Variants in KCNIP4 observed in about 807,000 individuals in gnomAD.
KCNIP4 encodes the protein Kv channel-interacting protein 4.
In KCNIP4, 12 loss-of-function variants were observed where a neutral mutation model predicts 34.0. The observed-to-expected ratio is 0.35, with a 90% CI of 0.23 to 0.57. The LOEUF is 0.57. Among genes scored for constraint, KCNIP4 ranks in the 20% least tolerant of loss-of-function variants. The pLI is 0.83. For missense variants in KCNIP4, 238 were observed against 311.7 expected (o/e 0.76, Z 1.78); for synonymous variants, 124 against 102.2 (o/e 1.21, Z -1.29).
At chr4:21,086,353 G>A (rs1051679564) in intron 1 of KCNIP4, among the ~76,000 whole-genome samples, 3 of 152,032 alleles carry the variant, frequency 2.0e-5, no homozygotes, top group Admixed American at 6.6e-5. Context: ...CATCTCCATC[G>A]TTGCATTGAA....
At chr4:21,354,834 A>G (rs1718403246) in intron 1 of KCNIP4, among the ~76,000 whole-genome samples, 2 of 152,222 alleles carry the variant, frequency 1.3e-5, no homozygotes, top group African/African-American at 4.8e-5. Flanking sequence ...CCTGAAATCA[A>G]CAGAATATAC....
intron 2 of KCNIP4, 24 bp from the exon 3 acceptor site, chr4:20,850,691 T>G: frequency 6.2e-7 from 1 of 1,607,388 alleles, no homozygotes; most frequent in Non-Finnish European, 8.5e-7. Flanking sequence ...CAAGAAAGAG[T>G]CTTAGGACCA....
chr4:21,678,572 T>C (rs1750098859), intron 1 of KCNIP4, among the ~76,000 whole-genome samples: 1 of 152,198 alleles, frequency 6.6e-6, no homozygotes, highest in South Asian at 2.1e-4. Flanking sequence ...GTCTTCTCCA[T>C]TTACTCCCTG....
intron 1 of KCNIP4, among the ~76,000 whole-genome samples, chr4:21,766,815 T>A (rs16871877): frequency 0.087 from 13,292 of 152,172 alleles, 1,962 homozygotes; most frequent in African/African-American, 0.3. Context: ...AGTCAGAAAG[T>A]GTGTGTTTTA....
chr4:21,834,136 T>G (rs1210862847), intron 1 of KCNIP4, among the ~76,000 whole-genome samples: 1 of 152,298 alleles, frequency 6.6e-6, no homozygotes, highest in African/African-American at 2.4e-5. Flanking sequence ...AAGAAAGTCA[T>G]TGGTAGCTTG....
intron 1 of KCNIP4, among the ~76,000 whole-genome samples, chr4:21,491,200 G>A (rs1216665327): frequency 6.6e-6 from 1 of 152,062 alleles, no homozygotes; most frequent in East Asian, 1.9e-4. Context: ...CTTGCAGCAG[G>A]TATGGTTTCG....
intron 1 of KCNIP4, among the ~76,000 whole-genome samples, chr4:20,992,988 A>T (rs1007535544): frequency 7.3e-6 from 1 of 137,158 alleles, no homozygotes; most frequent in Admixed American, 8.5e-5. Flanking sequence ...AGATCATGCC[A>T]CTGCACTCCA....
At chr4:20,869,402 A>T (rs1293429400) in intron 2 of KCNIP4, among the ~76,000 whole-genome samples, 1 of 152,066 alleles carries the variant, frequency 6.6e-6, no homozygotes, top group African/African-American at 2.4e-5. Context: ...TGGGCATTAA[A>T]TGAGATGGTA....
chr4:21,308,925 C>T (rs750933807), intron 1 of KCNIP4, among the ~76,000 whole-genome samples: 1 of 150,798 alleles, frequency 6.6e-6, no homozygotes, highest in South Asian at 2.1e-4. Context: ...GGCTCTACTG[C>T]TGCATGAAGG....
chr4:21,182,050 C>G (rs998044195), intron 1 of KCNIP4, among the ~76,000 whole-genome samples: 1 of 152,084 alleles, frequency 6.6e-6, no homozygotes, highest in Non-Finnish European at 1.5e-5. Context: ...TATAGCTTCA[C>G]TGATATTGGA....
intron 1 of KCNIP4, among the ~76,000 whole-genome samples, chr4:21,486,478 G>A (rs1731922855): frequency 6.6e-6 from 1 of 152,134 alleles, no homozygotes; most frequent in South Asian, 2.1e-4. Context: ...AAAATCAAAG[G>A]AAATGGAAGG....
chr4:20,862,722 T>C (rs1722334569), intron 2 of KCNIP4, among the ~76,000 whole-genome samples: 1 of 152,136 alleles, frequency 6.6e-6, no homozygotes, highest in African/African-American at 2.4e-5. Flanking sequence ...TCAACCTAAA[T>C]GCCCATCAGT....
chr4:20,960,178 G>A (rs1179901546), intron 1 of KCNIP4, among the ~76,000 whole-genome samples: 2 of 152,190 alleles, frequency 1.3e-5, no homozygotes, highest in African/African-American at 4.8e-5. Flanking sequence ...CCAGGACTGA[G>A]TTTGAATGCC....
intron 1 of KCNIP4, among the ~76,000 whole-genome samples, chr4:21,912,309 G>C (rs1728377236): frequency 6.6e-6 from 1 of 152,122 alleles, no homozygotes; most frequent in Non-Finnish European, 1.5e-5. Flanking sequence ...GATGTTTTTA[G>C]CAGTGTGTGA....
chr4:21,053,058 AAAATCTGAGAGAGAGATC>A (rs1156644436), intron 1 of KCNIP4, among the ~76,000 whole-genome samples: 3 of 151,962 alleles, frequency 2.0e-5, no homozygotes, highest in Non-Finnish European at 4.4e-5. Context: ...TATATAAATA[AAAATCTGAGAGAGAGATC>A]AAATCTGATC....
chr4:21,393,137 C>A (rs536825358), intron 1 of KCNIP4, among the ~76,000 whole-genome samples: 18 of 152,146 alleles, frequency 1.2e-4, no homozygotes, highest in African/African-American at 4.1e-4. Context: ...GTGACTATAA[C>A]CCAGATGTAT....
intron 1 of KCNIP4, among the ~76,000 whole-genome samples, chr4:21,834,708 A>T (rs966498750): frequency 6.6e-6 from 1 of 151,882 alleles, no homozygotes; most frequent in Non-Finnish European, 1.5e-5. Context: ...TTGCCCATTC[A>T]GTATGATATT....
At chr4:21,866,294 T>C (rs2109358569) in intron 1 of KCNIP4, among the ~76,000 whole-genome samples, 1 of 152,324 alleles carries the variant, frequency 6.6e-6, no homozygotes, top group South Asian at 2.1e-4. Flanking sequence ...TGAAATTTGT[T>C]ATGTAAAATT....
intron 1 of KCNIP4, among the ~76,000 whole-genome samples, chr4:21,369,331 T>C (rs1010624104): frequency 4.1e-5 from 6 of 147,472 alleles, no homozygotes; most frequent in Admixed American, 3.3e-4. Context: ...AAGATATATT[T>C]CTTGCCCTCT....
Sources: gnomAD v4.1 joint callset for allele counts (sites outside exome capture counted in the v4.1 genomes callset) on GRCh38, gnomAD v4.1.1 for gene constraint, MANE v1.5 for transcripts, NCBI Gene and HGNC (gene_info 2026-07-23, HGNC 2026-07-21) for gene names.